Variants in SPECC1 observed in about 807,000 individuals in gnomAD.
SPECC1 encodes sperm antigen with calponin homology and coiled-coil domains 1, also known as cytospin-B.
Under a neutral mutation model 104.1 loss-of-function variants are expected in SPECC1, and 62 were observed. The observed-to-expected ratio is 0.60, with a 90% CI of 0.49 to 0.74. The LOEUF is 0.74. Ranked by LOEUF, SPECC1 falls within the 30% of genes least tolerant of loss-of-function variation. SPECC1 has a pLI of 0.00. For synonymous variants in SPECC1, 513 were observed against 501.6 expected (o/e 1.02, Z -0.30); for missense variants, 1,306 against 1,310.5 (o/e 1.00, Z 0.05).
At chr17:20,307,531 T>C (rs2041804265) in intron 14 of SPECC1, among the ~76,000 whole-genome samples, 1 of 152,220 alleles carries the variant, frequency 6.6e-6, no homozygotes, top group African/African-American at 2.4e-5. Flanking sequence ...TCATTGGCAG[T>C]ACTCTGTTAC....
intron 4 of SPECC1, among the ~76,000 whole-genome samples, chr17:20,207,328 C>G (rs2036854817): frequency 6.6e-6 from 1 of 152,136 alleles, no homozygotes; most frequent in Non-Finnish European, 1.5e-5. Context: ...TGTCTGTATT[C>G]TAAATTTGTA....
intron 1 of SPECC1, among the ~76,000 whole-genome samples, chr17:20,094,508 C>T (rs1447541580): frequency 1.3e-5 from 2 of 152,120 alleles, no homozygotes; most frequent in Non-Finnish European, 2.9e-5. Flanking sequence ...CCACCCTCTT[C>T]CTGCTGTTTT....
At chr17:20,269,520 G>C (rs181578325) in intron 12 of SPECC1, among the ~76,000 whole-genome samples, 11 of 152,150 alleles carry the variant, frequency 7.2e-5, no homozygotes, top group Non-Finnish European at 1.5e-4. Context: ...CCGCTCCCGG[G>C]TTCAAGATTC....
chr17:20,214,690 T>G (rs1038357306), intron 4 of SPECC1, among the ~76,000 whole-genome samples: 1 of 152,164 alleles, frequency 6.6e-6, no homozygotes, highest in Non-Finnish European at 1.5e-5. Flanking sequence ...CTATTTTTAG[T>G]AGAGACGGGG....
chr17:20,123,864 T>C (rs1403018454), intron 3 of SPECC1, among the ~76,000 whole-genome samples: 1 of 152,264 alleles, frequency 6.6e-6, no homozygotes, highest in African/African-American at 2.4e-5. Context: ...TGAAATAGTA[T>C]CCTTATTATC....
At chr17:20,301,667 G>C (rs1226656889) in intron 13 of SPECC1, among the ~76,000 whole-genome samples, 1 of 151,928 alleles carries the variant, frequency 6.6e-6, no homozygotes, top group Non-Finnish European at 1.5e-5. Flanking sequence ...ATGATCACAG[G>C]GTGCGATTTA....
intron 9 of SPECC1, among the ~76,000 whole-genome samples, chr17:20,250,304 G>A (rs1039965744): frequency 1.2e-4 from 19 of 152,184 alleles, no homozygotes; most frequent in African/African-American, 4.6e-4. Context: ...TACTTGCAGT[G>A]AAAAGACTAT....
At position 20,070,355 on chromosome 17, in the gene SPECC1, C is replaced by G. The variant is rs150341699; in HGVS notation, c.-21-26276C>G. Among the ~76,000 whole-genome samples the G allele has an allele frequency of 4.2e-3, 637 of 152,282 alleles. 3 individuals carry two copies. Among genetic ancestry groups the G allele is most frequent in the Non-Finnish European group, 6.1e-3 (416 of 68,012 alleles). Reference sequence around the variant, plus strand: ...TGGATTTTGTCTACTGCTTTTTCTGCATCTATCGAGATGATCATGTGGTTT... The same window carrying G: ...TGGATTTTGTCTACTGCTTTTTCTGGATCTATCGAGATGATCATGTGGTTT... On this transcript the variant is annotated intron_variant, in intron 1 of 14. Coordinates refer to ENST00000395527, the MANE Select transcript of SPECC1 (RefSeq NM_001243439.2).
intron 4 of SPECC1, among the ~76,000 whole-genome samples, chr17:20,220,467 G>T (rs1004218275): frequency 6.6e-6 from 1 of 151,478 alleles, no homozygotes. Flanking sequence ...TCCTTTTTCA[G>T]ATTGTTCACT....
chr17:20,162,732 A>G (rs914401200), intron 3 of SPECC1, among the ~76,000 whole-genome samples: 2 of 152,118 alleles, frequency 1.3e-5, no homozygotes, highest in Admixed American at 6.5e-5. Context: ...TTGCTTTTGT[A>G]AAAGTGAAGA....
intron 1 of SPECC1, among the ~76,000 whole-genome samples, chr17:20,040,032 T>A (rs2045258918): frequency 6.6e-6 from 1 of 152,158 alleles, no homozygotes; most frequent in Non-Finnish European, 1.5e-5. Context: ...TCTCTTTTTG[T>A]CTTGTCTTCC....
chr17:20,039,936 C>T (rs1263849260), intron 1 of SPECC1, among the ~76,000 whole-genome samples: 1 of 152,096 alleles, frequency 6.6e-6, no homozygotes, highest in Non-Finnish European at 1.5e-5. Context: ...AGATCATTTA[C>T]ATTTATGTAA....
At chr17:20,134,101 A>G (rs2049800856) in intron 3 of SPECC1, among the ~76,000 whole-genome samples, 1 of 150,332 alleles carries the variant, frequency 6.7e-6, no homozygotes, top group Admixed American at 6.7e-5. Context: ...ACATGTATAT[A>G]TTTATGTAAT....
intron 1 of SPECC1, among the ~76,000 whole-genome samples, chr17:20,041,545 A>G (rs771414682): frequency 1.3e-5 from 2 of 151,126 alleles, no homozygotes; most frequent in Non-Finnish European, 2.9e-5. Context: ...ACCTGGCCAA[A>G]ATATATATCT....
chr17:20,298,674 C>T (rs1415619537), intron 13 of SPECC1, among the ~76,000 whole-genome samples: 2 of 151,972 alleles, frequency 1.3e-5, no homozygotes, highest in African/African-American at 4.8e-5. Context: ...ACAGAATCAA[C>T]TGGATTTAGT....
At chr17:20,237,234 G>C (rs2038968984) in intron 7 of SPECC1, 1 of 1,234,934 alleles carries the variant, frequency 8.1e-7, no homozygotes, top group African/African-American at 1.5e-5. Flanking sequence ...GGGCACAGTG[G>C]CAGAGCAGAT....
intron 2 of SPECC1, among the ~76,000 whole-genome samples, chr17:20,103,727 C>T (rs972934420): frequency 6.6e-6 from 1 of 152,154 alleles, no homozygotes; most frequent in African/African-American, 2.4e-5. Flanking sequence ...GTGCCCCCCT[C>T]TCTCCCCAGG....
At chr17:20,082,049 C>T (rs749289013) in intron 1 of SPECC1, among the ~76,000 whole-genome samples, 5 of 152,196 alleles carry the variant, frequency 3.3e-5, no homozygotes, top group Non-Finnish European at 5.9e-5. Flanking sequence ...TTCAACCTGC[C>T]GTTCTGGGCC....
intron 3 of SPECC1, among the ~76,000 whole-genome samples, chr17:20,127,296 C>G (rs777681393): frequency 1.3e-5 from 2 of 152,164 alleles, no homozygotes; most frequent in East Asian, 1.9e-4. Context: ...GCTGCTCCCC[C>G]TTTTATGATC....
Sources: gnomAD v4.1 joint callset for allele counts (sites outside exome capture counted in the v4.1 genomes callset) on GRCh38, gnomAD v4.1.1 for gene constraint, MANE v1.5 for transcripts, NCBI Gene and HGNC (gene_info 2026-07-23, HGNC 2026-07-21) for gene names.